The following CTNNA3 variants were observed in gnomAD, a reference collection of about 807,000 sequenced individuals.
CTNNA3 encodes catenin alpha-3.
CTNNA3 carries 76 observed loss-of-function variants against 95.7 expected under a neutral mutation model. The ratio of observed to expected loss-of-function variants is 0.79; its 90% CI spans 0.66 to 0.96. The LOEUF (loss-of-function observed/expected upper bound fraction) is 0.96, where lower values mean the gene tolerates loss of function less well. Ranked by LOEUF, CTNNA3 falls within the 40% of genes least tolerant of loss-of-function variation. The pLI, the probability that CTNNA3 is intolerant of heterozygous loss-of-function variation, is 0.00. For synonymous variants in CTNNA3, 431 were observed against 374.4 expected (o/e 1.15, Z -1.74); for missense variants, 1,191 against 1,089.8 (o/e 1.09, Z -1.31).
intron 10 of CTNNA3, among the ~76,000 whole-genome samples, chr10:66,616,429 A>C (rs1235109933): frequency 6.6e-6 from 1 of 152,082 alleles, no homozygotes; most frequent in African/African-American, 2.4e-5. Context: ...CAAGTCATTC[A>C]CATCATAGTC....
chr10:67,274,500 G>A (rs558564540), intron 5 of CTNNA3, among the ~76,000 whole-genome samples: 13 of 152,246 alleles, frequency 8.5e-5, no homozygotes, highest in South Asian at 8.3e-4. Flanking sequence ...CAATCGCCAT[G>A]AGAGATTATA....
intron 7 of CTNNA3, among the ~76,000 whole-genome samples, chr10:67,059,985 T>C (rs1855666888): frequency 6.6e-6 from 1 of 152,122 alleles, no homozygotes; most frequent in Admixed American, 6.6e-5. Flanking sequence ...TTAGCACTAA[T>C]AAGAATGGCT....
intron 11 of CTNNA3, among the ~76,000 whole-genome samples, chr10:66,445,283 G>C (rs1178220297): frequency 2.0e-5 from 3 of 151,846 alleles, no homozygotes; most frequent in Non-Finnish European, 2.9e-5. Context: ...AGTTAACAAG[G>C]ATACCCAGGA....
chr10:67,059,448 T>C (rs1855630009), intron 7 of CTNNA3, among the ~76,000 whole-genome samples: 1 of 152,112 alleles, frequency 6.6e-6, no homozygotes, highest in African/African-American at 2.4e-5. Context: ...CACAGACAGA[T>C]TGTAAGAGAC....
intron 13 of CTNNA3, among the ~76,000 whole-genome samples, chr10:66,121,760 G>C (rs913141403): frequency 6.6e-6 from 1 of 152,080 alleles, no homozygotes; most frequent in African/African-American, 2.4e-5. Context: ...TAGATCGCTT[G>C]AGCCCTGGAA....
chr10:66,309,496 T>C (rs1386219995), intron 12 of CTNNA3, among the ~76,000 whole-genome samples: 1 of 143,038 alleles, frequency 7.0e-6, no homozygotes, highest in Non-Finnish European at 1.5e-5. Flanking sequence ...ATCGAGACCA[T>C]CCTGGCTAAC....
At chr10:67,064,546 TA>T (rs1415164871) in intron 7 of CTNNA3, among the ~76,000 whole-genome samples, 1 of 152,190 alleles carries the variant, frequency 6.6e-6, no homozygotes, top group Admixed American at 6.5e-5. Context: ...CTATAACATT[TA>T]TAATTAGAAC....
chr10:66,554,667 C>CTTCTAGGA (rs1192807141), intron 10 of CTNNA3, among the ~76,000 whole-genome samples: 1 of 152,018 alleles, frequency 6.6e-6, no homozygotes, highest in East Asian at 1.9e-4. Flanking sequence ...TATTTTTACC[C>CTTCTAGGA]TTCTAGGATT....
chr10:67,566,041 G>GTATACATATA (rs1388066358), intron 3 of CTNNA3, among the ~76,000 whole-genome samples: 5 of 29,432 alleles, frequency 1.7e-4, no homozygotes, highest in African/African-American at 5.4e-4. Flanking sequence ...ATATGTGTGT[G>GTATACATATA]TGTATATATA....
At chr10:67,411,139 A>G (rs923064817) in intron 5 of CTNNA3, among the ~76,000 whole-genome samples, 2 of 152,146 alleles carry the variant, frequency 1.3e-5, no homozygotes, top group African/African-American at 4.8e-5. Context: ...GTACAACATG[A>G]GGACCACAGT....
intron 11 of CTNNA3, among the ~76,000 whole-genome samples, chr10:66,428,644 T>G: frequency 7.2e-6 from 1 of 139,680 alleles, no homozygotes; most frequent in Admixed American, 7.5e-5. Context: ...AACCTGCTCC[T>G]GAATGACTAC....
intron 10 of CTNNA3, among the ~76,000 whole-genome samples, chr10:66,567,863 C>T (rs777180960): frequency 2.0e-5 from 3 of 152,182 alleles, no homozygotes; most frequent in Non-Finnish European, 4.4e-5. Context: ...TGCCCCAGCA[C>T]AGCAGTTCTC....
At chr10:67,435,094 C>T (rs1357822606) in intron 5 of CTNNA3, among the ~76,000 whole-genome samples, 1 of 151,916 alleles carries the variant, frequency 6.6e-6, no homozygotes, top group East Asian at 1.9e-4. Context: ...TCAAATGTTC[C>T]TAGCTTTTTC....
chr10:67,543,178 C>G (rs533071961), intron 3 of CTNNA3, among the ~76,000 whole-genome samples: 2 of 151,768 alleles, frequency 1.3e-5, no homozygotes, highest in Non-Finnish European at 2.9e-5. Context: ...TTCCTAAAAA[C>G]GGGATTTTTT....
intron 11 of CTNNA3, among the ~76,000 whole-genome samples, chr10:66,395,217 T>C (rs2092966273): frequency 6.6e-6 from 1 of 152,036 alleles, no homozygotes; most frequent in Non-Finnish European, 1.5e-5. Flanking sequence ...CTGAAATTCA[T>C]TTTTCTCTTA....
intron 13 of CTNNA3, among the ~76,000 whole-genome samples, chr10:66,246,708 T>C (rs2090342205): frequency 6.6e-6 from 1 of 151,618 alleles, no homozygotes; most frequent in Admixed American, 6.6e-5. Flanking sequence ...ATTGACATAC[T>C]GAACAATGCA....
chr10:67,437,798 G>T (rs1197984679), intron 5 of CTNNA3, among the ~76,000 whole-genome samples: 2 of 151,874 alleles, frequency 1.3e-5, no homozygotes, highest in Non-Finnish European at 1.5e-5. Context: ...TTCTGACTGG[G>T]TATAAAAATG....
At chr10:67,617,721 C>A (rs1406349170) in intron 2 of CTNNA3, among the ~76,000 whole-genome samples, 2 of 151,406 alleles carry the variant, frequency 1.3e-5, no homozygotes, top group Admixed American at 1.3e-4. Context: ...TTCCCACCAA[C>A]AGCGTATAAG....
At chr10:67,024,881 A>G (rs915481608) in intron 7 of CTNNA3, among the ~76,000 whole-genome samples, 5 of 152,086 alleles carry the variant, frequency 3.3e-5, no homozygotes, top group Non-Finnish European at 5.9e-5. Context: ...TGTAAATCCT[A>G]GCACTTTAGG....
Sources: allele counts gnomAD v4.1 joint callset (sites outside exome capture counted in the v4.1 genomes callset), GRCh38; gene constraint gnomAD v4.1.1; transcripts MANE v1.5; gene names NCBI Gene and HGNC (gene_info 2026-07-23, HGNC 2026-07-21).